Variants in ARHGEF12 observed in about 807,000 individuals in gnomAD.
The protein encoded by ARHGEF12 is Rho guanine nucleotide exchange factor 12.
In ARHGEF12, 66 loss-of-function variants were observed where a neutral mutation model predicts 211.2. That is an observed-to-expected ratio of 0.31 (90% CI 0.26 to 0.38). The LOEUF (loss-of-function observed/expected upper bound fraction) is 0.38, where lower values mean the gene tolerates loss of function less well. Ranked by LOEUF, ARHGEF12 falls within the 10% of genes least tolerant of loss-of-function variation. The pLI is 1.00. For synonymous variants in ARHGEF12, 592 were observed against 638.4 expected (o/e 0.93, Z 1.09); for missense variants, 1,429 against 1,869.5 (o/e 0.76, Z 4.34).
At chr11:120,345,731 G>A (rs971291837) in intron 1 of ARHGEF12, among the ~76,000 whole-genome samples, 13 of 148,216 alleles carry the variant, frequency 8.8e-5, no homozygotes, top group Admixed American at 1.4e-4. Flanking sequence ...ACGAAATGGC[G>A]TATGTCATAC....
At chr11:120,440,306 TAA>T in intron 13 of ARHGEF12, 85 bp downstream of exon 13, 1 of 1,095,842 alleles carries the variant, frequency 9.1e-7, no homozygotes, top group Non-Finnish European at 1.4e-6. Context: ...TTCTGGAGAT[TAA>T]GATAACATTT....
rs1025919456 is a variant in ARHGEF12 at position 120,367,353 on chromosome 11, C to CTTTTTTTTTTTTTTTTTTTTTTTT, written c.32+30085_32+30108dup. Among the ~76,000 whole-genome samples the CTTTTTTTTTTTTTTTTTTTTTTTT allele has an allele frequency of 4.0e-4, 24 of 59,352 alleles. 5 individuals are homozygous for CTTTTTTTTTTTTTTTTTTTTTTTT. Among genetic ancestry groups the CTTTTTTTTTTTTTTTTTTTTTTTT allele is most frequent in the African/African-American group, 5.4e-4 (7 of 12,950 alleles). The allele number at this position is 59,352 out of a possible 152,430, so 38.9% of individuals were successfully genotyped here. A position where few individuals can be genotyped will look rare whatever the true frequency, so the allele number is the denominator to read the frequency against. On this transcript the variant is annotated intron_variant, in intron 1 of 40. Transcript: ENST00000397843. ...AAAAAATCTGTTAGGATACTTTTTC[C>CTTTTTTTTTTTTTTTTTTTTTTTT]TTTTTTTTTTTTTTTTTTTTTTTTT...
intron 4 of ARHGEF12, among the ~76,000 whole-genome samples, chr11:120,418,484 G>C (rs1271908301): frequency 6.6e-6 from 1 of 152,018 alleles, no homozygotes; most frequent in Non-Finnish European, 1.5e-5. Flanking sequence ...TCTAGTTTTG[G>C]GCTCTTATGA....
At chr11:120,360,686 C>T (rs905842039) in intron 1 of ARHGEF12, among the ~76,000 whole-genome samples, 6 of 152,184 alleles carry the variant, frequency 3.9e-5, no homozygotes. Flanking sequence ...AGCCACCATG[C>T]CTGGCCAGTA....
chr11:120,433,186 C>T (rs1033832926), intron 11 of ARHGEF12, among the ~76,000 whole-genome samples: 2 of 152,100 alleles, frequency 1.3e-5, no homozygotes, highest in Non-Finnish European at 2.9e-5. Context: ...CTTATTCAGG[C>T]AATAGGTGAT....
At chr11:120,373,933 G>T (rs1943656466) in intron 1 of ARHGEF12, among the ~76,000 whole-genome samples, 1 of 152,108 alleles carries the variant, frequency 6.6e-6, no homozygotes, top group Admixed American at 6.5e-5. Context: ...TCAGCTTCCT[G>T]AGTAGCTGGG....
At chr11:120,349,438 T>G (rs555469004) in intron 1 of ARHGEF12, among the ~76,000 whole-genome samples, 53 of 152,216 alleles carry the variant, frequency 3.5e-4, no homozygotes, top group Middle Eastern at 3.4e-3. Flanking sequence ...AGCCCTTAAT[T>G]ATGTGTGTGT....
At chr11:120,417,091 G>C (rs1336651006) in intron 4 of ARHGEF12, among the ~76,000 whole-genome samples, 3 of 152,086 alleles carry the variant, frequency 2.0e-5, no homozygotes, top group Non-Finnish European at 4.4e-5. Context: ...ATATTTGTTA[G>C]ACATTAAGCT....
At position 120,449,077 on chromosome 11, in the gene ARHGEF12, C is replaced by T. The variant is rs374160955; in HGVS notation, c.1738-32C>T. 65 of 1,570,594 alleles carry T rather than the reference C, an allele frequency of 4.1e-5. No homozygotes were observed. In the African/African-American group the frequency reaches 7.3e-4, roughly 18 times the overall value. On this transcript the variant is annotated intron_variant, in intron 20 of 40. Coordinates refer to ENST00000397843, the MANE Select transcript of ARHGEF12 (RefSeq NM_015313.3). ...ATCGCAAAAGAAATTTACTCTGTTA[C>T]GTATCTCTTATTTTTTGTACTTCAA...
chr11:120,479,868 A>G, intron 37 of ARHGEF12, 92 bp from the exon 38 acceptor site: 1 of 987,626 alleles, frequency 1.0e-6, no homozygotes, highest in Non-Finnish European at 1.5e-6. Flanking sequence ...TTTTAAAGAT[A>G]GATCATTGGT....
At chr11:120,364,831 T>TG (rs1943379640) in intron 1 of ARHGEF12, among the ~76,000 whole-genome samples, 1 of 151,668 alleles carries the variant, frequency 6.6e-6, no homozygotes, top group Non-Finnish European at 1.5e-5. Flanking sequence ...TTTTTTTTTT[T>TG]TTTTTGAGCC....
intron 1 of ARHGEF12, among the ~76,000 whole-genome samples, chr11:120,393,077 G>A (rs1944271617): frequency 6.6e-6 from 1 of 152,168 alleles, no homozygotes. Flanking sequence ...AAAATGTATG[G>A]AATGAGTGAA....
Position 120,481,458 on chromosome 11 carries a change from G to C in ARHGEF12, c.4436G>C (p.Arg1479Pro). Residue 1479 changes from arginine (R) to proline (P), a missense_variant, in exon 39 of 41, where the codon CGC becomes CCC. Physicochemically the swap from Arg to Pro is moderately radical, Grantham distance 103. Coordinates refer to ENST00000397843, the MANE Select transcript of ARHGEF12 (RefSeq NM_015313.3). ...ACCCCCGAATTTCTGGTCCAGCAGCGCTGGGGAGCTATGGAGTATTCCTGT... is the reference window on the plus strand; with the variant it reads ...ACCCCCGAATTTCTGGTCCAGCAGCCCTGGGGAGCTATGGAGTATTCCTGT... ...PFTPEFLVQQ[R>P]WGAMEYSCFE... 6.2e-7 allele frequency: 1 copy of C among 1,614,176 alleles called. No individual in the cohort carries two copies. Among genetic ancestry groups the C allele is most frequent in the Non-Finnish European group, 8.5e-7 (1 of 1,180,040 alleles).
intron 1 of ARHGEF12, among the ~76,000 whole-genome samples, chr11:120,390,454 G>T (rs1324437970): frequency 6.6e-6 from 1 of 152,174 alleles, no homozygotes; most frequent in Non-Finnish European, 1.5e-5. Context: ...TGCCATTCAG[G>T]TGGAGACATG....
At chr11:120,342,732 T>G (rs1387983156) in intron 1 of ARHGEF12, among the ~76,000 whole-genome samples, 6 of 152,176 alleles carry the variant, frequency 3.9e-5, no homozygotes, top group Non-Finnish European at 1.5e-5. Flanking sequence ...GATTACCAAA[T>G]CAACTAATTA....
At chr11:120,355,766 T>G (rs539817228) in intron 1 of ARHGEF12, among the ~76,000 whole-genome samples, 1 of 152,346 alleles carries the variant, frequency 6.6e-6, no homozygotes, top group South Asian at 2.1e-4. Flanking sequence ...TTACATTTGC[T>G]ACTGTACCCA....
At chr11:120,348,095 T>G (rs1942822344) in intron 1 of ARHGEF12, among the ~76,000 whole-genome samples, 1 of 152,190 alleles carries the variant, frequency 6.6e-6, no homozygotes, top group African/African-American at 2.4e-5. Context: ...TTACATTATA[T>G]TGCTAGTCTC....
chr11:120,469,353 G>A lies in ARHGEF12; in HGVS notation c.2920G>A (p.Val974Ile). The change falls in exon 30 of 41, where the codon GTA becomes ATA. Residue 974 changes from valine (V) to isoleucine (I), a missense_variant. This residue lies in a region of ARHGEF12 where 223 missense variants were observed against 444.6 expected (regional missense o/e 0.50). Coordinates refer to ENST00000397843, the MANE Select transcript of ARHGEF12 (RefSeq NM_015313.3). ...TCACTGTCGTCAGATCTTAAATTAT[G>A]TAAATCAGGCTGTCAAGGAGGCAGA... ...ADHCRQILNY[V>I]NQAVKEAENK... The A allele has an allele frequency of 1.2e-6, 2 of 1,613,244 alleles. No individual in the cohort carries two copies. Among genetic ancestry groups the A allele is most frequent in the Non-Finnish European group, 1.7e-6 (2 of 1,179,552 alleles).
intron 22 of ARHGEF12, among the ~76,000 whole-genome samples, chr11:120,453,606 A>C (rs1490883444): frequency 6.6e-6 from 1 of 152,170 alleles, no homozygotes; most frequent in Non-Finnish European, 1.5e-5. Context: ...AGTCCTAGCT[A>C]ATCAAGAGGC....
Sources: gnomAD v4.1 joint callset for allele counts (sites outside exome capture counted in the v4.1 genomes callset) on GRCh38, gnomAD v4.1.1 for gene constraint, gnomAD v4.1.1 regional missense constraint, MANE v1.5 for transcripts, NCBI Gene and HGNC (gene_info 2026-07-23, HGNC 2026-07-21) for gene names.